The following BCR variants were observed in gnomAD, a reference collection of about 807,000 sequenced individuals.
BCR encodes BCR activator of RhoGEF and GTPase, also known as breakpoint cluster region protein.
A neutral mutation model predicts 138.6 loss-of-function variants in BCR; 58 were observed. The ratio of observed to expected loss-of-function variants is 0.42; its 90% confidence interval spans 0.34 to 0.52. The LOEUF (loss-of-function observed/expected upper bound fraction) is 0.52, where lower values mean the gene tolerates loss of function less well. Ranked by LOEUF, BCR falls within the 20% of genes least tolerant of loss-of-function variation. The pLI is 0.06. For synonymous variants in BCR, 786 were observed against 730.1 expected, an observed-to-expected ratio of 1.08 and a Z score of -1.23; for missense variants, 1,599 against 1,727.2, an observed-to-expected ratio of 0.93 and a Z score of 1.32.
At chr22:23,268,089 A>G (rs189483985) in intron 4 of BCR, among the ~76,000 whole-genome samples, 1,666 of 152,264 alleles carry the variant, frequency 0.011, 76 homozygotes, top group Admixed American at 0.088. Context: ...TTCACTGACA[A>G]CCTCAAACTT....
At position 23,295,073 on chromosome 22, in the gene BCR, A is replaced by G; in HGVS notation, c.2930A>G (p.Tyr977Cys). The change falls in exon 16 of 23, where the codon TAT becomes TGT. Residue 977 changes from tyrosine to cysteine, a missense_variant. Transcript: ENST00000305877. ...TCCCAGACCCTGAGGATACTGTGCT[A>G]TGAAAAGTGTTACAACAAGACGAAG... ...EGSQTLRILC[Y>C]EKCYNKTKIP... The G allele has an allele frequency of 1.2e-6, 2 of 1,614,168 alleles. No homozygotes were observed. The highest frequency in any genetic ancestry group is 8.5e-7 in the Non-Finnish European group (1 of 1,180,024).
chr22:23,181,908 C>T lies in BCR; in HGVS notation c.948C>T (p.Tyr316=), dbSNP rs746711460. 2 of 1,613,446 alleles carry T rather than the reference C, an allele frequency of 1.2e-6. No individual in the cohort carries two copies. Among genetic ancestry groups the T allele is most frequent in the Non-Finnish European group, 8.5e-7 (1 of 1,179,970 alleles). Residue 316 remains tyrosine, a synonymous_variant, in exon 1 of 23, where the codon TAC becomes TAT. Coordinates refer to ENST00000305877, the MANE Select transcript of BCR (RefSeq NM_004327.4). ...EKRLTWPRRS[Y]SPRSFEDCGG... The stretch of plus-strand genomic sequence containing the variant: ...GCCTTACCTGGCCCCGCAGGTCCTA[C>T]TCCCCCCGGAGTTTTGAGGATTGCG...
At chr22:23,305,261 A>T in intron 16 of BCR, among the ~76,000 whole-genome samples, 1 of 152,168 alleles carries the variant, frequency 6.6e-6, no homozygotes, top group East Asian at 1.9e-4. Context: ...AGTAGGTTAT[A>T]GTGCAGACAC....
At chr22:23,230,071 G>C (rs12171184) in intron 1 of BCR, among the ~76,000 whole-genome samples, 1,386 of 137,332 alleles carry the variant, frequency 0.01, 28 homozygotes, top group African/African-American at 0.037. Flanking sequence ...TTTTCCTCTT[G>C]TCTGTGCCTG....
intron 13 of BCR, chr22:23,290,084 C>CT (rs2073768164): frequency 1.8e-6 from 1 of 566,686 alleles, no homozygotes; most frequent in South Asian, 2.0e-5. Context: ...CCCCGACCCC[C>CT]TCTGCTGTCC....
At chr22:23,215,328 T>G (rs2072739943) in intron 1 of BCR, among the ~76,000 whole-genome samples, 1 of 152,196 alleles carries the variant, frequency 6.6e-6, no homozygotes, top group Admixed American at 6.5e-5. Flanking sequence ...TGCAAACAGG[T>G]CTGTCTTGCA....
intron 1 of BCR, among the ~76,000 whole-genome samples, chr22:23,252,143 G>T (rs1245659868): frequency 1.3e-5 from 2 of 152,202 alleles, no homozygotes; most frequent in East Asian, 3.9e-4. Flanking sequence ...GGTAAGGGTG[G>T]TCTGGGATTT....
chr22:23,197,513 G>A (rs1202809105), intron 1 of BCR, among the ~76,000 whole-genome samples: 1 of 152,194 alleles, frequency 6.6e-6, no homozygotes, highest in African/African-American at 2.4e-5. Flanking sequence ...ATCTGCAGAT[G>A]TGGAACTTGA....
At chr22:23,315,376 C>T (rs1195960933) in intron 22 of BCR, 57 bp from the exon 23 acceptor site, 8 of 1,540,756 alleles carry the variant, frequency 5.2e-6, no homozygotes, top group Non-Finnish European at 7.2e-6. Context: ...GACCTCCCAC[C>T]AGCAGCTGTG....
Position 23,222,130 on chromosome 22 carries a change from G to T in BCR, c.1280-31669G>T, listed in dbSNP as rs780562656. Among the ~76,000 whole-genome samples the T allele has an allele frequency of 5.9e-5, 9 of 152,088 alleles. No homozygotes were observed. In the East Asian group the frequency reaches 1.4e-3, roughly 23 times the overall value. On this transcript the variant is annotated intron_variant, in intron 1 of 22. Transcript: ENST00000305877. ...AGAGAGAGAAGTGATAGCCCTCCCC[G>T]TCTTCTCACCTGTCACTCCTCTTGG... is the stretch of plus-strand genomic sequence containing the variant.
intron 1 of BCR, among the ~76,000 whole-genome samples, chr22:23,217,438 C>T (rs1203610640): frequency 6.6e-6 from 1 of 152,194 alleles, no homozygotes; most frequent in Non-Finnish European, 1.5e-5. Context: ...CCTTGCTGAC[C>T]TTGATGGAGT....
At chr22:23,315,394 C>G (rs767215323) in intron 22 of BCR, 39 bp from the exon 23 acceptor site, 1 of 1,596,058 alleles carries the variant, frequency 6.3e-7, no homozygotes, top group Non-Finnish European at 8.6e-7. Context: ...GTGAGCCCCG[C>G]TCTGAGCCAC....
chr22:23,238,984 A>G (rs753396766), intron 1 of BCR, among the ~76,000 whole-genome samples: 159 of 152,160 alleles, frequency 1.0e-3, no homozygotes, highest in Non-Finnish European at 1.5e-3. Context: ...CAACAGAAAG[A>G]ACCCAGGCTA....
At chr22:23,289,408 G>A (rs2146305610) in intron 12 of BCR, 109 bp from the exon 13 acceptor site, 1 of 899,750 alleles carries the variant, frequency 1.1e-6, no homozygotes, top group Non-Finnish European at 1.8e-6. Flanking sequence ...CCTGGCACCA[G>A]TTCTTGCCGT....
intron 1 of BCR, among the ~76,000 whole-genome samples, chr22:23,205,717 A>C (rs931552956): frequency 1.3e-5 from 2 of 152,022 alleles, no homozygotes; most frequent in Non-Finnish European, 2.9e-5. Context: ...CCAGATAGTA[A>C]CTAATTTTAT....
chr22:23,228,088 T>C (rs924228969), intron 1 of BCR, among the ~76,000 whole-genome samples: 5 of 152,216 alleles, frequency 3.3e-5, no homozygotes, highest in Admixed American at 2.6e-4. Flanking sequence ...CATTTCTGAT[T>C]TTGGTCATTT....
chr22:23,291,925 C>T (rs895101686), intron 14 of BCR, among the ~76,000 whole-genome samples: 2 of 152,188 alleles, frequency 1.3e-5, no homozygotes, highest in Admixed American at 6.5e-5. Flanking sequence ...TACCAGGCCT[C>T]TCCATCCCCA....
intron 1 of BCR, among the ~76,000 whole-genome samples, chr22:23,246,680 C>T (rs1207282954): frequency 6.6e-6 from 1 of 152,090 alleles, no homozygotes; most frequent in Non-Finnish European, 1.5e-5. Context: ...AAGTTCATGC[C>T]CACTCAGGTG....
chr22:23,305,973 A>C (rs2073951066), intron 16 of BCR, among the ~76,000 whole-genome samples: 1 of 152,192 alleles, frequency 6.6e-6, no homozygotes, highest in Non-Finnish European at 1.5e-5. Context: ...GCTTTAAATA[A>C]CTGCACGAGA....
Sources: gnomAD v4.1 joint callset for allele counts (sites outside exome capture counted in the v4.1 genomes callset) on GRCh38, gnomAD v4.1.1 for gene constraint, MANE v1.5 for transcripts, NCBI Gene and HGNC (gene_info 2026-07-23, HGNC 2026-07-21) for gene names.